Variants in SBF2 observed in about 807,000 individuals in gnomAD.
The protein encoded by SBF2 is myotubularin-related protein 13.
A neutral mutation model predicts 225.2 loss-of-function variants in SBF2; 112 were observed. That is an observed-to-expected ratio of 0.50 (90% confidence interval 0.43 to 0.58). The LOEUF (loss-of-function observed/expected upper bound fraction) is 0.58. SBF2 is among the 20% of genes least tolerant of loss of function. The pLI is 0.00. For missense variants in SBF2, 1,996 were observed against 2,206.2 expected (o/e 0.90, Z 1.91); for synonymous variants, 763 against 773.3 (o/e 0.99, Z 0.22).
chr11:9,812,523 A>C lies in SBF2; in HGVS notation c.4155+9T>G. On this transcript the variant is annotated intron_variant, in intron 30 of 39. Transcript: ENST00000256190. ...GAGTTATAAAGAAAGAAGCTGCTTC[A>C]GACATTACCTGTGGGAACCACTCAG... 6.2e-7 allele frequency: 1 copy of C among 1,614,122 alleles called. No individual in the cohort carries two copies.
At chr11:9,920,049 AACTT>A (rs1206676304) in intron 16 of SBF2, among the ~76,000 whole-genome samples, 4 of 152,056 alleles carry the variant, frequency 2.6e-5, no homozygotes, top group African/African-American at 9.7e-5. Flanking sequence ...TTTTAAAAAA[AACTT>A]ACTTATTTCT....
intron 26 of SBF2, among the ~76,000 whole-genome samples, chr11:9,835,108 A>G (rs568291246): frequency 1.3e-5 from 2 of 152,172 alleles, no homozygotes; most frequent in African/African-American, 4.8e-5. Context: ...CTAACCCACT[A>G]CTCAGAGCCT....
chr11:10,140,249 CT>C (rs1033474062), intron 2 of SBF2, among the ~76,000 whole-genome samples: 3 of 152,154 alleles, frequency 2.0e-5, no homozygotes, highest in Non-Finnish European at 4.4e-5. Flanking sequence ...CTAAAGTCTC[CT>C]GAAGAGCCTC....
intron 16 of SBF2, among the ~76,000 whole-genome samples, chr11:9,908,936 C>T (rs2134178247): frequency 6.6e-6 from 1 of 151,910 alleles, no homozygotes; most frequent in African/African-American, 2.4e-5. Flanking sequence ...GATCCTCTCA[C>T]CTCAGCCTCC....
chr11:9,922,986 C>T (rs1277950844), intron 16 of SBF2, among the ~76,000 whole-genome samples: 1 of 152,170 alleles, frequency 6.6e-6, no homozygotes, highest in Non-Finnish European at 1.5e-5. Context: ...AGAGTTTCAG[C>T]TACCTTTATA....
At chr11:9,994,752 A>C (rs569091564) in intron 9 of SBF2, among the ~76,000 whole-genome samples, 2 of 151,752 alleles carry the variant, frequency 1.3e-5, no homozygotes, top group South Asian at 4.2e-4. Flanking sequence ...ATTACTGAGG[A>C]GAGGCCAGGT....
chr11:9,930,828 G>A (rs1009501116), intron 16 of SBF2, among the ~76,000 whole-genome samples: 3 of 152,204 alleles, frequency 2.0e-5, no homozygotes, highest in Non-Finnish European at 2.9e-5. Context: ...AGAGATTGGG[G>A]GATTTCCCTT....
At chr11:10,001,459 C>CA (rs200150855) in intron 7 of SBF2, among the ~76,000 whole-genome samples, 2,112 of 134,464 alleles carry the variant, frequency 0.016, 54 homozygotes, top group African/African-American at 0.053. Context: ...ATAAGAATGG[C>CA]AAAAAAAAGG....
intron 16 of SBF2, among the ~76,000 whole-genome samples, chr11:9,922,003 T>A (rs560384358): frequency 9.1e-4 from 139 of 152,268 alleles, no homozygotes; most frequent in African/African-American, 3.1e-3. Flanking sequence ...CCTAGTACTT[T>A]AGGAGGCCAA....
At chr11:9,968,692 T>G (rs1867127641) in intron 13 of SBF2, 147 bp from the exon 14 acceptor site, 3 of 709,710 alleles carry the variant, frequency 4.2e-6, no homozygotes, top group Non-Finnish European at 7.7e-6. Flanking sequence ...TACCAAAATC[T>G]TACTTCTTCT....
chr11:10,088,715 T>G (rs1388245215), intron 2 of SBF2, among the ~76,000 whole-genome samples: 1 of 152,350 alleles, frequency 6.6e-6, no homozygotes, highest in East Asian at 1.9e-4. Flanking sequence ...TAATCTATTT[T>G]TGAGGGGGTG....
At chr11:9,932,387 T>C (rs905893089) in intron 16 of SBF2, among the ~76,000 whole-genome samples, 4 of 152,014 alleles carry the variant, frequency 2.6e-5, no homozygotes, top group Admixed American at 2.0e-4. Context: ...GAGAGAAAGG[T>C]CAGGTTACCC....
chr11:10,074,097 C>A (rs1951000545), intron 2 of SBF2, among the ~76,000 whole-genome samples: 2 of 152,036 alleles, frequency 1.3e-5, no homozygotes, highest in South Asian at 4.2e-4. Flanking sequence ...TCACAATAAT[C>A]CAATTAGAAG....
chr11:10,054,975 T>G (rs1387703228), intron 2 of SBF2, among the ~76,000 whole-genome samples: 1 of 152,126 alleles, frequency 6.6e-6, no homozygotes, highest in African/African-American at 2.4e-5. Context: ...GGTGGCAAGA[T>G]CTCGGCTCAC....
chr11:10,156,582 A>C (rs1955486321), intron 2 of SBF2, among the ~76,000 whole-genome samples: 1 of 152,246 alleles, frequency 6.6e-6, no homozygotes, highest in African/African-American at 2.4e-5. Flanking sequence ...TCAGCCAGCC[A>C]GATGGTGCTT....
chr11:10,179,652 A>G (rs375424238), intron 2 of SBF2, among the ~76,000 whole-genome samples: 2 of 152,110 alleles, frequency 1.3e-5, no homozygotes, highest in South Asian at 4.1e-4. Context: ...ACTGGTGTCT[A>G]TTCTTTAGCT....
chr11:9,940,443 G>T (rs1865187575), intron 16 of SBF2, among the ~76,000 whole-genome samples: 1 of 152,144 alleles, frequency 6.6e-6, no homozygotes, highest in African/African-American at 2.4e-5. Flanking sequence ...TATGCTAAAA[G>T]ATAGAAATGG....
At chr11:10,168,500 T>G (rs1956063123) in intron 2 of SBF2, among the ~76,000 whole-genome samples, 1 of 152,174 alleles carries the variant, frequency 6.6e-6, no homozygotes. Flanking sequence ...TCTACTCAAA[T>G]TTGTCACTGT....
chr11:9,816,199 C>T (rs572984860), intron 29 of SBF2, among the ~76,000 whole-genome samples: 1 of 152,160 alleles, frequency 6.6e-6, no homozygotes, highest in Non-Finnish European at 1.5e-5. Flanking sequence ...AGGAAAAGAC[C>T]ATCTTTACAA....
Sources: gnomAD v4.1 joint callset for allele counts (sites outside exome capture counted in the v4.1 genomes callset) on GRCh38, gnomAD v4.1.1 for gene constraint, MANE v1.5 for transcripts, NCBI Gene and HGNC (gene_info 2026-07-23, HGNC 2026-07-21) for gene names.